The following LMO7 variants were observed in gnomAD, a reference collection of about 807,000 sequenced individuals.
LMO7 encodes LIM domain only protein 7.
A neutral mutation model predicts 206.5 loss-of-function variants in LMO7; 120 were observed. That is an observed-to-expected ratio of 0.58 (90% CI 0.50 to 0.68). The LOEUF (loss-of-function observed/expected upper bound fraction) is 0.68, where lower values mean the gene tolerates loss of function less well. LMO7 is among the 30% of genes least tolerant of loss of function. The probability of loss-of-function intolerance (pLI) is 0.00; values close to 1 mark genes in which losing one functional copy is unlikely to be tolerated. For missense variants in LMO7, 1,959 were observed against 1,957.9 expected (o/e 1.00, Z -0.01); for synonymous variants, 706 against 681.5 (o/e 1.04, Z -0.56).
At chr13:75,759,400 T>A (rs955206004) in intron 3 of LMO7, among the ~76,000 whole-genome samples, 12 of 152,186 alleles carry the variant, frequency 7.9e-5, no homozygotes, top group African/African-American at 2.9e-4. Flanking sequence ...TTACAGATAG[T>A]ATACTTTTTA....
At chr13:75,808,470 A>G (rs577772724) in intron 10 of LMO7, among the ~76,000 whole-genome samples, 11 of 152,310 alleles carry the variant, frequency 7.2e-5, no homozygotes, top group African/African-American at 2.4e-4. Flanking sequence ...GTACTGTGGT[A>G]CTATCCACCA....
intron 2 of LMO7, among the ~76,000 whole-genome samples, chr13:75,725,337 C>G (rs997522034): frequency 9.9e-5 from 15 of 152,046 alleles, no homozygotes; most frequent in Non-Finnish European, 1.9e-4. Flanking sequence ...ATAATGGCCT[C>G]TAATTTATGT....
chr13:75,785,336 C>A (rs2052249093), intron 4 of LMO7, among the ~76,000 whole-genome samples: 1 of 152,036 alleles, frequency 6.6e-6, no homozygotes, highest in Non-Finnish European at 1.5e-5. Flanking sequence ...AGTTTTGTAA[C>A]CTTGGCAAAG....
In LMO7 at chr13:75,807,916, G is replaced by A. The variant is rs747689599; in HGVS notation, c.1633G>A (p.Glu545Lys). 14 of 1,613,742 alleles carry A rather than the reference G, an allele frequency of 8.7e-6. No individual in the cohort carries two copies. The highest frequency in any genetic ancestry group is 6.7e-5 in the East Asian group (3 of 44,892). Reference protein sequence around the residue: ...PDRYHPVPFPEPWTLPPEIQA... With the variant: ...PDRYHPVPFPKPWTLPPEIQA... ...TAGATACCACCCAGTCCCTTTTCCC[G>A]AACCCTGGACTCTTCCTCCAGAAAT... The change falls in exon 10 of 31, where the codon GAA (glutamate) becomes AAA (lysine). Residue 545 changes from glutamate (E) to lysine (K), a missense_variant. Glu to Lys is a moderately conservative substitution (Grantham distance 56). Transcript: ENST00000377534.
intron 16 of LMO7, 125 bp downstream of exon 16, chr13:75,833,290 G>C (rs1274411410): frequency 1.6e-6 from 1 of 640,120 alleles, no homozygotes; most frequent in African/African-American, 1.8e-5. Context: ...GCAACCATAA[G>C]GCCAGAAAAT....
At chr13:75,676,119 A>G (rs1184404442) in intron 1 of LMO7, among the ~76,000 whole-genome samples, 2 of 152,180 alleles carry the variant, frequency 1.3e-5, no homozygotes, top group Admixed American at 6.5e-5. Flanking sequence ...AGCGTAGTAG[A>G]TGTTCACTAA....
intron 28 of LMO7, 173 bp from the exon 29 acceptor site, chr13:75,855,087 T>TA: frequency 1.9e-6 from 1 of 529,632 alleles, no homozygotes; most frequent in Non-Finnish European, 3.4e-6. Context: ...GGTTCAAAGT[T>TA]AGAGTATAAT....
intron 2 of LMO7, among the ~76,000 whole-genome samples, chr13:75,714,516 C>T (rs956250810): frequency 1.3e-5 from 2 of 151,994 alleles, no homozygotes; most frequent in African/African-American, 4.8e-5. Flanking sequence ...GATATTTAAC[C>T]ATTTGTGACC....
chr13:75,645,065 G>A (rs1267131977), intron 1 of LMO7, among the ~76,000 whole-genome samples: 1 of 152,168 alleles, frequency 6.6e-6, no homozygotes, highest in Non-Finnish European at 1.5e-5. Flanking sequence ...GTTATACTTT[G>A]AGCTAGAATA....
In LMO7 at chr13:75,636,485, C is replaced by A. The variant is rs1222824756; in HGVS notation, c.-173C>A. On this transcript the variant is annotated 5_prime_UTR_variant, in exon 1 of 31. Transcript: ENST00000377534. ...CGTTCGTGTAGGTTCGAGACCTTAA[C>A]GAACTGCAGAGCGCAACAAAGGGAA... 6.9e-7 allele frequency: 1 copy of A among 1,456,136 alleles called. No homozygotes were observed. The highest frequency in any genetic ancestry group is 2.5e-5 in the East Asian group (1 of 39,766). The allele number at this position is 1,456,136 out of a possible 1,614,324, so 90.2% of individuals were successfully genotyped here. A position where few individuals can be genotyped will look rare whatever the true frequency, so the allele number is the denominator to read the frequency against.
chr13:75,623,798 G>A (rs1392988697), intron 2 of LMO7, among the ~76,000 whole-genome samples: 2 of 152,086 alleles, frequency 1.3e-5, no homozygotes, highest in East Asian at 3.9e-4. Flanking sequence ...AATGTTACGG[G>A]GAGATAAAAA....
At chr13:75,663,367 A>G (rs2038781788) in intron 1 of LMO7, among the ~76,000 whole-genome samples, 1 of 151,334 alleles carries the variant, frequency 6.6e-6, no homozygotes, top group African/African-American at 2.4e-5. Flanking sequence ...GGGCTTTGGA[A>G]TAGAGAAAGG....
At chr13:75,673,965 AAACT>A (rs1286166936) in intron 1 of LMO7, among the ~76,000 whole-genome samples, 1 of 122,266 alleles carries the variant, frequency 8.2e-6, no homozygotes, top group Admixed American at 8.0e-5. Context: ...CTGGTAAATC[AAACT>A]AACTGAGGAA....
rs1291370550 is a variant in LMO7, at chr13:75,817,288, T to G, written c.2064+10T>G. 6.4e-7 allele frequency: 1 copy of G among 1,551,694 alleles called. No individual in the cohort carries two copies. ...TCAGAAATGGCAGGATGTGAGTATT[T>G]TGGGGATTGGAGGGGAGAGAGTGTA... On this transcript the variant is annotated intron_variant, in intron 12 of 30. Coordinates refer to ENST00000377534, the MANE Select transcript of LMO7 (RefSeq NM_001306080.2).
intron 1 of LMO7, among the ~76,000 whole-genome samples, chr13:75,656,185 A>C (rs2038050005): frequency 6.6e-6 from 1 of 152,122 alleles, no homozygotes; most frequent in African/African-American, 2.4e-5. Context: ...TTCGTCTTCC[A>C]GTTCTCCCAT....
intron 1 of LMO7, among the ~76,000 whole-genome samples, chr13:75,638,282 T>C (rs529803231): frequency 6.4e-4 from 97 of 152,154 alleles, no homozygotes; most frequent in Non-Finnish European, 1.2e-3. Flanking sequence ...TTTTTTAGTA[T>C]GCACATTTTG....
In LMO7 at chr13:75,845,224, AATC is replaced by A. The variant is rs571271371; in HGVS notation, c.4098-101_4098-99del. The A allele has an allele frequency of 2.4e-4, 135 of 569,304 alleles. No individual in the cohort carries two copies. In the African/African-American group the frequency reaches 2.5e-3, roughly 10 times the overall value. The allele number at this position is 569,304 out of a possible 1,614,324, so 35.3% of individuals were successfully genotyped here. ...TTGCTCTCAGCAGACACAGAAAATA[AATC>A]AACTGCTTTAAAAAGCAATCTCTTC... On this transcript the variant is annotated intron_variant, in intron 25 of 30. Coordinates refer to ENST00000377534, the MANE Select transcript of LMO7 (RefSeq NM_001306080.2).
intron 3 of LMO7, among the ~76,000 whole-genome samples, chr13:75,745,817 G>A (rs1023942858): frequency 2.6e-5 from 4 of 152,314 alleles, no homozygotes; most frequent in Non-Finnish European, 5.9e-5. Context: ...AGAGCCTGCT[G>A]CTTTCCAGAC....
At chr13:75,694,861 A>C (rs2041785452) in intron 1 of LMO7, among the ~76,000 whole-genome samples, 1 of 152,168 alleles carries the variant, frequency 6.6e-6, no homozygotes, top group Non-Finnish European at 1.5e-5. Flanking sequence ...TTGAACGAAC[A>C]AAGTTTGAAA....
Sources: allele counts gnomAD v4.1 joint callset (sites outside exome capture counted in the v4.1 genomes callset), GRCh38; gene constraint gnomAD v4.1.1; transcripts MANE v1.5; gene names NCBI Gene and HGNC (gene_info 2026-07-23, HGNC 2026-07-21).